ADAMTS19: variants seen among roughly 807,000 people sequenced by gnomAD.
ADAMTS19 encodes ADAM metallopeptidase with thrombospondin type 1 motif 19, also known as A disintegrin and metalloproteinase with thrombospondin motifs 19.
In ADAMTS19, 93 loss-of-function variants were observed where a neutral mutation model predicts 153.3. The ratio of observed to expected loss-of-function variants is 0.61; its 90% CI spans 0.51 to 0.72. The LOEUF is 0.72. Ranked by LOEUF, ADAMTS19 falls within the 30% of genes least tolerant of loss-of-function variation. ADAMTS19 has a pLI of 0.00. For synonymous variants in ADAMTS19, 600 were observed against 556.6 expected (o/e 1.08, Z -1.10); for missense variants, 1,482 against 1,552.1 (o/e 0.95, Z 0.76).
intron 6 of ADAMTS19, among the ~76,000 whole-genome samples, chr5:129,545,440 T>C (rs1752821575): frequency 6.6e-6 from 1 of 152,144 alleles, no homozygotes; most frequent in Admixed American, 6.6e-5. Flanking sequence ...AGAAGAATTA[T>C]CATATTCCTA....
At chr5:129,602,826 C>CTGTGTGTGTGTGTGTGTG (rs56060749) in intron 8 of ADAMTS19, among the ~76,000 whole-genome samples, 29 of 146,712 alleles carry the variant, frequency 2.0e-4, no homozygotes, top group African/African-American at 7.0e-4. Flanking sequence ...CTTATATTCT[C>CTGTGTGTGTGTGTGTGTG]TGTGTGTGTG....
intron 10 of ADAMTS19, among the ~76,000 whole-genome samples, chr5:129,627,966 A>G (rs1046339718): frequency 1.3e-5 from 2 of 152,088 alleles, no homozygotes; most frequent in African/African-American, 4.8e-5. Flanking sequence ...TACCCAAAGC[A>G]ATATAAATCA....
intron 16 of ADAMTS19, among the ~76,000 whole-genome samples, chr5:129,672,151 G>A (rs1470194245): frequency 6.6e-6 from 1 of 152,020 alleles, no homozygotes; most frequent in Non-Finnish European, 1.5e-5. Flanking sequence ...GTCTTCACAT[G>A]GCAAAGAGAG....
intron 16 of ADAMTS19, among the ~76,000 whole-genome samples, chr5:129,676,368 A>C (rs1754552068): frequency 6.6e-6 from 1 of 152,054 alleles, no homozygotes; most frequent in Non-Finnish European, 1.5e-5. Flanking sequence ...GTTTAACTTT[A>C]TTTCTTATAT....
intron 21 of ADAMTS19, among the ~76,000 whole-genome samples, chr5:129,732,404 A>C (rs1581273458): frequency 6.6e-6 from 1 of 152,098 alleles, no homozygotes; most frequent in Admixed American, 6.6e-5. Flanking sequence ...GCTGATAATA[A>C]GTTTGTATAC....
chr5:129,589,596 G>A (rs1351993097), intron 7 of ADAMTS19, among the ~76,000 whole-genome samples: 1 of 151,948 alleles, frequency 6.6e-6, no homozygotes, highest in Non-Finnish European at 1.5e-5. Flanking sequence ...TTATGAAGTG[G>A]TTTCTTTCTC....
At chr5:129,700,436 A>C (rs192443186) in intron 19 of ADAMTS19, among the ~76,000 whole-genome samples, 18 of 152,282 alleles carry the variant, frequency 1.2e-4, no homozygotes, top group Middle Eastern at 3.4e-3. Context: ...GTTGCTGCTG[A>C]TAAGTGTAAT....
chr5:129,590,804 C>A (rs1275217666), intron 7 of ADAMTS19, among the ~76,000 whole-genome samples: 2 of 152,082 alleles, frequency 1.3e-5, no homozygotes, highest in African/African-American at 4.8e-5. Flanking sequence ...ATCTGGGTAC[C>A]ATTCTTATAT....
At chr5:129,709,463 T>G (rs989499598) in intron 21 of ADAMTS19, among the ~76,000 whole-genome samples, 1 of 152,180 alleles carries the variant, frequency 6.6e-6, no homozygotes, top group East Asian at 1.9e-4. Flanking sequence ...TCATATATTA[T>G]ATTGTCATAG....
intron 17 of ADAMTS19, among the ~76,000 whole-genome samples, chr5:129,681,316 C>T (rs1321233993): frequency 6.6e-6 from 1 of 152,158 alleles, no homozygotes; most frequent in Non-Finnish European, 1.5e-5. Flanking sequence ...CCACAAACCA[C>T]ATTTTAAATT....
At chr5:129,524,775 A>G (rs1751948221) in intron 3 of ADAMTS19, among the ~76,000 whole-genome samples, 1 of 151,446 alleles carries the variant, frequency 6.6e-6, no homozygotes, top group Non-Finnish European at 1.5e-5. Context: ...AAAAAAACGA[A>G]GGAAAAGAAA....
chr5:129,675,857 C>T (rs753545971), intron 16 of ADAMTS19, among the ~76,000 whole-genome samples: 4 of 151,984 alleles, frequency 2.6e-5, no homozygotes, highest in Non-Finnish European at 5.9e-5. Flanking sequence ...GGTAATACCT[C>T]GTCTCTACTA....
chr5:129,539,362 C>G (rs923308279), intron 6 of ADAMTS19, among the ~76,000 whole-genome samples: 4 of 151,974 alleles, frequency 2.6e-5, no homozygotes, highest in African/African-American at 9.7e-5. Context: ...AGGTCAAAAG[C>G]CAAAGAATGC....
At position 129,460,345 on chromosome 5, in the gene ADAMTS19, G is replaced by T; in HGVS notation, c.-47G>T. Reference sequence around the variant, plus strand: ...GCCGCTGCGCCCCGGAGTGGATCGCGCTGGAGGCGTGCGCCGGGCGAGAAG... The same window carrying T: ...GCCGCTGCGCCCCGGAGTGGATCGCTCTGGAGGCGTGCGCCGGGCGAGAAG... On this transcript the variant is annotated 5_prime_UTR_variant, in exon 1 of 23. Coordinates refer to ENST00000274487, the MANE Select transcript of ADAMTS19 (RefSeq NM_133638.6). 3 of 1,543,700 alleles carry T rather than the reference G, an allele frequency of 1.9e-6. No individual in the cohort carries two copies. Among genetic ancestry groups the T allele is most frequent in the East Asian group, 2.3e-5 (1 of 42,846 alleles).
At position 129,670,519 on chromosome 5, in the gene ADAMTS19, C is replaced by G. The variant is rs565605931; in HGVS notation, c.2506+4940C>G. 3.3e-5 allele frequency among the ~76,000 whole-genome samples: 5 copies of G among 152,206 alleles called. No homozygotes were observed. In the South Asian group the frequency reaches 1.0e-3, roughly 31 times the overall value. On this transcript the variant is annotated intron_variant, in intron 16 of 22. Transcript: ENST00000274487. Reference sequence around the variant, plus strand: ...TGCCCAAGGTTACACATCTAAGAAGCTGTGAATCTAGATTTGAACCCGAGG... The same window carrying G: ...TGCCCAAGGTTACACATCTAAGAAGGTGTGAATCTAGATTTGAACCCGAGG...
At chr5:129,636,133 G>A (rs1181022352) in intron 10 of ADAMTS19, among the ~76,000 whole-genome samples, 1 of 152,198 alleles carries the variant, frequency 6.6e-6, no homozygotes, top group Non-Finnish European at 1.5e-5. Flanking sequence ...CTGACCTCAG[G>A]TGATCCACCT....
At chr5:129,684,584 A>G (rs1332271565) in intron 18 of ADAMTS19, among the ~76,000 whole-genome samples, 1 of 152,066 alleles carries the variant, frequency 6.6e-6, no homozygotes, top group South Asian at 2.1e-4. Context: ...CCCAGACACC[A>G]TTCAGGTTGT....
At chr5:129,593,314 G>T (rs1750230534) in intron 7 of ADAMTS19, among the ~76,000 whole-genome samples, 1 of 152,108 alleles carries the variant, frequency 6.6e-6, no homozygotes, top group Non-Finnish European at 1.5e-5. Flanking sequence ...TTCTGGTCAT[G>T]TGCAATTTCA....
chr5:129,581,281 T>C (rs1242695430), intron 7 of ADAMTS19, among the ~76,000 whole-genome samples: 1 of 151,892 alleles, frequency 6.6e-6, no homozygotes, highest in Non-Finnish European at 1.5e-5. Context: ...GTTTCAGAAC[T>C]TGCTATTGCT....
Sources: allele counts gnomAD v4.1 joint callset (sites outside exome capture counted in the v4.1 genomes callset), GRCh38; gene constraint gnomAD v4.1.1; transcripts MANE v1.5; gene names NCBI Gene and HGNC (gene_info 2026-07-23, HGNC 2026-07-21).